The following PPP6R1 variants were observed in gnomAD, a reference collection of about 807,000 sequenced individuals.
PPP6R1 encodes protein phosphatase 6 regulatory subunit 1, also known as serine/threonine-protein phosphatase 6 regulatory subunit 1.
A neutral mutation model predicts 104.6 loss-of-function variants in PPP6R1; 39 were observed. The ratio of observed to expected loss-of-function variants is 0.37; its 90% CI spans 0.29 to 0.49. PPP6R1 has a LOEUF of 0.49. Ranked by LOEUF, PPP6R1 falls within the 20% of genes least tolerant of loss-of-function variation. PPP6R1 has a pLI of 0.98. For synonymous variants in PPP6R1, 549 were observed against 479.0 expected (o/e 1.15, Z -1.91); for missense variants, 1,181 against 1,155.8 (o/e 1.02, Z -0.32).
rs116217744 is a variant in PPP6R1 at position 55,253,284 on chromosome 19, G to A, written c.-7+5151C>T. On this transcript the variant is annotated intron_variant, in intron 1 of 23. Transcript: ENST00000412770. Reference sequence around the variant, plus strand: ...AGGGGTGGAGCCACATGGCTAGCAAGAGGCTTCCAGTGTGCCCTGGTCTCT... The same window carrying A: ...AGGGGTGGAGCCACATGGCTAGCAAAAGGCTTCCAGTGTGCCCTGGTCTCT... 6.1e-3 allele frequency among the ~76,000 whole-genome samples: 931 copies of A among 152,350 alleles called. 5 individuals are homozygous for A. The highest frequency in any genetic ancestry group is 0.022 in the African/African-American group (895 of 41,576).
chr19:55,237,117 C>A, intron 15 of PPP6R1, 147 bp from the exon 16 acceptor site: 1 of 822,058 alleles, frequency 1.2e-6, no homozygotes, highest in South Asian at 1.5e-5. Flanking sequence ...CAACCCGAAC[C>A]ACTGGTCCTA....
chr19:55,233,092 TAG>T (rs2087364596), intron 17 of PPP6R1: 1 of 152,034 alleles, frequency 6.6e-6, no homozygotes, highest in African/African-American at 2.4e-5. Context: ...ACAGCAAAAA[TAG>T]AGGATTATAA....
chr19:55,246,800 G>A (rs975053379), intron 2 of PPP6R1, 77 bp downstream of exon 2: 1 of 1,284,792 alleles, frequency 7.8e-7, no homozygotes, highest in Non-Finnish European at 1.1e-6. Flanking sequence ...CGCATTTCAG[G>A]GTAGCTGTGA....
intron 1 of PPP6R1, among the ~76,000 whole-genome samples, chr19:55,248,384 A>T (rs1040687035): frequency 6.6e-6 from 1 of 152,222 alleles, no homozygotes; most frequent in Non-Finnish European, 1.5e-5. Context: ...AGCTCTCACC[A>T]GTTAAGACAC....
At chr19:55,247,345 T>C (rs2122686636) in intron 1 of PPP6R1, 1 of 552,864 alleles carries the variant, frequency 1.8e-6, no homozygotes, top group South Asian at 2.1e-5. Context: ...CCCTCGAGCC[T>C]GCCCCTCTTC....
Position 55,240,249 on chromosome 19 carries a change from TCTC to T in PPP6R1, c.1345_1347del (p.Glu449del), listed in dbSNP as rs2087440165. The T allele has an allele frequency of 3.8e-6, 6 of 1,592,910 alleles. No homozygotes were observed. The highest frequency in any genetic ancestry group is 5.1e-6 in the Non-Finnish European group (6 of 1,170,386). ...GCAGGTGCTCACTGTACACGGTCGT[TCTC>T]CTCCCAGGACGTCAGGATCCGCTCC... On this transcript the variant is annotated inframe_deletion, in exon 11 of 24. Coordinates refer to ENST00000412770, the MANE Select transcript of PPP6R1 (RefSeq NM_014931.4).
intron 20 of PPP6R1, 23 bp from the exon 21 acceptor site, chr19:55,231,514 G>A (rs758985638): frequency 2.5e-6 from 4 of 1,600,538 alleles, no homozygotes; most frequent in Non-Finnish European, 3.4e-6. Context: ...AGAGATCTCA[G>A]CTGCAGCTCC....
chr19:55,232,006 G>A (rs747679478), intron 18 of PPP6R1, 24 bp from the exon 19 acceptor site: 5 of 1,607,866 alleles, frequency 3.1e-6, no homozygotes, highest in East Asian at 2.2e-5. Flanking sequence ...GGGGGAGCGG[G>A]ATGGAGGGTG....
chr19:55,233,000 C>A (rs566156335), intron 17 of PPP6R1: 21 of 152,142 alleles, frequency 1.4e-4, no homozygotes, highest in Non-Finnish European at 2.8e-4. Flanking sequence ...AGACTACCGA[C>A]CTATACAGCA....
chr19:55,240,555 AC>A (rs963643216), intron 10 of PPP6R1, among the ~76,000 whole-genome samples: 7 of 147,536 alleles, frequency 4.7e-5, no homozygotes, highest in African/African-American at 1.8e-4. Flanking sequence ...ACACACACAC[AC>A]ATGCATGCAC....
intron 1 of PPP6R1, among the ~76,000 whole-genome samples, chr19:55,250,917 T>C (rs1297131347): frequency 3.9e-5 from 6 of 152,130 alleles, no homozygotes. Flanking sequence ...AGAACCGCCC[T>C]CTCATCGGGT....
At chr19:55,237,362 G>A (rs912841693) in intron 15 of PPP6R1, among the ~76,000 whole-genome samples, 2 of 152,132 alleles carry the variant, frequency 1.3e-5, no homozygotes, top group Non-Finnish European at 2.9e-5. Flanking sequence ...ACACCAGCCA[G>A]GCACAAGCAG....
intron 17 of PPP6R1, chr19:55,232,579 G>A (rs1002638023): frequency 4.5e-6 from 1 of 221,808 alleles, no homozygotes; most frequent in Non-Finnish European, 8.9e-6. Flanking sequence ...GGTCACCACA[G>A]TGACAGGCCT....
chr19:55,247,135 C>T (rs770599684), intron 1 of PPP6R1, 26 bp from the exon 2 acceptor site: 18 of 1,602,234 alleles, frequency 1.1e-5, no homozygotes, highest in East Asian at 2.2e-5. Flanking sequence ...CAACCAGCGC[C>T]GCGTCAGACG....
chr19:55,243,197 G>A (rs1339447732), intron 5 of PPP6R1, among the ~76,000 whole-genome samples: 3 of 152,050 alleles, frequency 2.0e-5, no homozygotes, highest in African/African-American at 4.8e-5. Context: ...GGTGGATCAC[G>A]AGGTCAGGAG....
chr19:55,231,823 G>A lies in PPP6R1; in HGVS notation c.2285C>T (p.Ala762Val). The change falls in exon 19 of 24, where the codon GCC (alanine) becomes GTC (valine). Residue 762 changes from alanine (A) to valine (V), a missense_variant. Physicochemically the swap from Ala to Val is moderately conservative, Grantham distance 64. Coordinates refer to ENST00000412770, the MANE Select transcript of PPP6R1 (RefSeq NM_014931.4). The part of the protein sequence containing the change: ...LPTQSLASPP[A>V]RDALQLRSQD... ...TCACCTGAGCTGCAGGGCGTCACGG[G>A]CAGGAGGGCTGGCCAGGCTCTGAGT... is the stretch of plus-strand genomic sequence containing the variant. The A allele has an allele frequency of 1.3e-6, 2 of 1,502,430 alleles. No homozygotes were observed. Among genetic ancestry groups the A allele is most frequent in the East Asian group, 2.3e-5 (1 of 42,996 alleles). 93.1% of individuals were successfully genotyped at this position (1,502,430 alleles called of 1,614,324 possible).
At chr19:55,237,775 G>A (rs539698428) in intron 15 of PPP6R1, among the ~76,000 whole-genome samples, 8 of 152,314 alleles carry the variant, frequency 5.3e-5, no homozygotes, top group African/African-American at 1.9e-4. Flanking sequence ...TGGGTCTAGG[G>A]CAGGGCAGCC....
In PPP6R1 at chr19:55,241,640, C is replaced by G. The variant is rs1458450093; in HGVS notation, c.846-1G>C. On this transcript the variant is annotated splice_acceptor_variant, in intron 7 of 23. Transcript: ENST00000412770. LOFTEE classifies it high-confidence loss of function. This position sits in a 1 kb window ranked among gnomAD's most constrained non-coding sequence, Gnocchi z 5.4. ...GCTGTTCACGGTCACGGACTCGGAC[C>G]TGCAGCAGGGCAGGGTCGAAGGCGG... 6.4e-7 allele frequency: 1 copy of G among 1,571,608 alleles called. No homozygotes were observed. The highest frequency in any genetic ancestry group is 8.6e-7 in the Non-Finnish European group (1 of 1,159,970).
Position 55,238,416 on chromosome 19 carries a change from G to A in PPP6R1, c.1751+989C>T, listed in dbSNP as rs557904924. ...TTACGCTGTGCTGTACAGGGACCCC[G>A]GGGCAGCCATGGGCAGCCATCCAGC... On this transcript the variant is annotated intron_variant, in intron 15 of 23. Transcript: ENST00000412770. Among the ~76,000 whole-genome samples, 663 of 152,260 alleles carry A rather than the reference G, an allele frequency of 4.4e-3. 5 individuals are homozygous for A. Among genetic ancestry groups the A allele is most frequent in the African/African-American group, 0.015 (626 of 41,552 alleles).
Sources: allele counts gnomAD v4.1 joint callset (sites outside exome capture counted in the v4.1 genomes callset), GRCh38; gene constraint gnomAD v4.1.1; non-coding constraint Gnocchi (gnomAD v3.1); transcripts MANE v1.5; gene names NCBI Gene and HGNC (gene_info 2026-07-23, HGNC 2026-07-21).